PTPRT: variants seen among roughly 807,000 people sequenced by gnomAD.
The protein encoded by PTPRT is receptor-type tyrosine-protein phosphatase T.
PTPRT carries 56 observed loss-of-function variants against 176.8 expected under a neutral mutation model. That is an observed-to-expected ratio of 0.32 (90% CI 0.26 to 0.40). The LOEUF (loss-of-function observed/expected upper bound fraction) is 0.40. PTPRT is among the 10% of genes least tolerant of loss of function. PTPRT has a pLI of 1.00. For missense variants in PTPRT, 1,540 were observed against 1,908.2 expected, an observed-to-expected ratio of 0.81 and a Z score of 3.60; for synonymous variants, 783 against 739.0, an observed-to-expected ratio of 1.06 and a Z score of -0.96.
intron 3 of PTPRT, 46 bp from the exon 4 acceptor site, chr20:42,780,345 G>A (rs2077197252): frequency 6.7e-7 from 1 of 1,483,956 alleles, no homozygotes; most frequent in African/African-American, 1.4e-5. Flanking sequence ...ACAGTTGCAG[G>A]CATTCATCAC....
chr20:42,558,959 T>A (rs1430756416), intron 7 of PTPRT, among the ~76,000 whole-genome samples: 1 of 152,176 alleles, frequency 6.6e-6, no homozygotes, highest in Non-Finnish European at 1.5e-5. Context: ...AGCTTTCATG[T>A]GTCGACTGGA....
chr20:43,086,381 T>C (rs1161950780), intron 1 of PTPRT, among the ~76,000 whole-genome samples: 1 of 152,234 alleles, frequency 6.6e-6, no homozygotes, highest in Non-Finnish European at 1.5e-5. Context: ...CTTTTAAGAA[T>C]GCAACATTTT....
chr20:42,245,498 AC>A (rs1221034916), intron 14 of PTPRT, among the ~76,000 whole-genome samples: 1 of 152,172 alleles, frequency 6.6e-6, no homozygotes, highest in Non-Finnish European at 1.5e-5. Flanking sequence ...ACAAAACAAA[AC>A]CAGGCAACAA....
At chr20:43,178,894 C>T (rs2015183208) in intron 1 of PTPRT, among the ~76,000 whole-genome samples, 2 of 152,206 alleles carry the variant, frequency 1.3e-5, no homozygotes, top group Admixed American at 6.5e-5. Context: ...TGTCTTAGAG[C>T]ACTCGTTCCC....
intron 6 of PTPRT, among the ~76,000 whole-genome samples, chr20:42,713,486 A>G (rs1162026465): frequency 2.0e-5 from 3 of 152,162 alleles, no homozygotes; most frequent in African/African-American, 4.8e-5. Flanking sequence ...TTCCCAGTAT[A>G]CATTGTATTA....
rs1158506826 is a variant in PTPRT, at chr20:42,814,950, AG to A, written c.215-23485del. Among the ~76,000 whole-genome samples the A allele has an allele frequency of 2.0e-5, 3 of 152,294 alleles. No individual in the cohort carries two copies. In the East Asian group the frequency reaches 5.8e-4, roughly 29 times the overall value. Reference sequence around the variant, plus strand: ...CAGAAGAGAGAAAAGAGATAGAACAAGCTAGACCAAATGCTGAGTAAGAAAA... The same window carrying A: ...CAGAAGAGAGAAAAGAGATAGAACAACTAGACCAAATGCTGAGTAAGAAAA... On this transcript the variant is annotated intron_variant, in intron 2 of 30. Coordinates refer to ENST00000373187, the MANE Select transcript of PTPRT (RefSeq NM_007050.6).
At chr20:42,937,523 A>C (rs1251602647) in intron 1 of PTPRT, among the ~76,000 whole-genome samples, 1 of 152,160 alleles carries the variant, frequency 6.6e-6, no homozygotes. Context: ...AGTTCTCAGA[A>C]AGTCTTTCCC....
Position 42,080,719 on chromosome 20 carries a change from A to C in PTPRT, c.*160T>G, listed in dbSNP as rs910655103. ...CCACGGCAACAGGAGACCCCTCAGA[A>C]GGTGCAGAGCCCCCCGTGGAACACA... On this transcript the variant is annotated 3_prime_UTR_variant, in exon 31 of 31. Coordinates refer to ENST00000373187, the MANE Select transcript of PTPRT (RefSeq NM_007050.6). The C allele has an allele frequency of 1.2e-5, 7 of 603,342 alleles. No homozygotes were observed. Among genetic ancestry groups the C allele is most frequent in the Non-Finnish European group, 2.0e-5 (7 of 349,752 alleles). 37.4% of individuals were successfully genotyped at this position (603,342 alleles called of 1,614,324 possible).
At chr20:42,975,988 A>G (rs1982923049) in intron 1 of PTPRT, among the ~76,000 whole-genome samples, 1 of 151,792 alleles carries the variant, frequency 6.6e-6, no homozygotes, top group East Asian at 1.9e-4. Context: ...TCTCACATGC[A>G]TTCTCTCCTC....
intron 27 of PTPRT, among the ~76,000 whole-genome samples, chr20:42,095,747 C>A (rs1000348693): frequency 5.3e-5 from 8 of 152,176 alleles, no homozygotes; most frequent in African/African-American, 1.9e-4. Flanking sequence ...TGAGAGATGG[C>A]AATTTTTTTT....
At chr20:42,345,248 G>A (rs1465587279) in intron 11 of PTPRT, among the ~76,000 whole-genome samples, 1 of 151,560 alleles carries the variant, frequency 6.6e-6, no homozygotes, top group African/African-American at 2.4e-5. Context: ...GTGCTCAATG[G>A]CCATATGTGT....
chr20:42,701,199 G>A lies in PTPRT; in HGVS notation c.860-23040C>T, dbSNP rs767025622. ...TCACACTGGGAAGGAAGAGAGTGGG[G>A]ATACATTTCCACGGGATTTTAGGGC... On this transcript the variant is annotated intron_variant, in intron 6 of 30. Transcript: ENST00000373187. Among the ~76,000 whole-genome samples the A allele has an allele frequency of 3.3e-5, 5 of 152,182 alleles. No individual in the cohort carries two copies. The South Asian group carries it at 8.3e-4, about 25-fold the overall frequency.
intron 1 of PTPRT, among the ~76,000 whole-genome samples, chr20:42,975,735 C>A (rs995166547): frequency 6.6e-6 from 1 of 152,104 alleles, no homozygotes; most frequent in Admixed American, 6.5e-5. Flanking sequence ...GGTGGGAAAT[C>A]TGGCAGTCTA....
intron 9 of PTPRT, among the ~76,000 whole-genome samples, chr20:42,401,958 C>G (rs1348512063): frequency 6.6e-6 from 1 of 152,206 alleles, no homozygotes; most frequent in Non-Finnish European, 1.5e-5. Flanking sequence ...CTGGTCACAG[C>G]TGGTGGACAT....
chr20:42,696,806 C>G (rs2075887021), intron 6 of PTPRT, among the ~76,000 whole-genome samples: 1 of 152,096 alleles, frequency 6.6e-6, no homozygotes, highest in Non-Finnish European at 1.5e-5. Flanking sequence ...GCTCTGCGAG[C>G]TTGGGAGCAG....
At chr20:42,318,228 G>A (rs915206354) in intron 11 of PTPRT, among the ~76,000 whole-genome samples, 7 of 151,938 alleles carry the variant, frequency 4.6e-5, no homozygotes, top group Admixed American at 6.6e-5. Context: ...CTCAACTCTG[G>A]GGTCCTTCTC....
intron 12 of PTPRT, among the ~76,000 whole-genome samples, chr20:42,285,258 T>C (rs922169707): frequency 6.6e-6 from 1 of 151,922 alleles, no homozygotes; most frequent in Admixed American, 6.6e-5. Flanking sequence ...ATGACTATCA[T>C]TGAGAAATTG....
intron 1 of PTPRT, among the ~76,000 whole-genome samples, chr20:43,066,030 T>TA (rs1159514383): frequency 1.3e-5 from 2 of 151,898 alleles, no homozygotes; most frequent in Non-Finnish European, 2.9e-5. Flanking sequence ...GTCTAGGCCT[T>TA]AAAAAAAATA....
At chr20:43,061,428 C>T (rs1272485507) in intron 1 of PTPRT, among the ~76,000 whole-genome samples, 1 of 152,170 alleles carries the variant, frequency 6.6e-6, no homozygotes, top group East Asian at 1.9e-4. Context: ...TGTTGAGCAC[C>T]TTTAAGTCCT....
Sources: gnomAD v4.1 joint callset for allele counts (sites outside exome capture counted in the v4.1 genomes callset) on GRCh38, gnomAD v4.1.1 for gene constraint, MANE v1.5 for transcripts, NCBI Gene and HGNC (gene_info 2026-07-23, HGNC 2026-07-21) for gene names.